The following PIK3R1 variants were observed in gnomAD, a reference collection of about 807,000 sequenced individuals.
PIK3R1 encodes the protein phosphatidylinositol 3-kinase regulatory subunit alpha.
In PIK3R1, 29 loss-of-function variants were observed where a neutral mutation model predicts 98.0. The ratio of observed to expected loss-of-function variants is 0.30; its 90% CI spans 0.22 to 0.40. The LOEUF (loss-of-function observed/expected upper bound fraction) is 0.40. PIK3R1 is among the 10% of genes least tolerant of loss of function. The pLI, the probability that PIK3R1 is intolerant of heterozygous loss-of-function variation, is 1.00. For synonymous variants in PIK3R1, 282 were observed against 311.8 expected, an observed-to-expected ratio of 0.90 and a Z score of 1.01; for missense variants, 596 against 872.7, an observed-to-expected ratio of 0.68 and a Z score of 3.99.
chr5:68,290,911 C>T (rs1013334408), intron 7 of PIK3R1: 21 of 897,184 alleles, frequency 2.3e-5, no homozygotes, highest in Non-Finnish European at 3.0e-5. Context: ...TGTAAAAGAT[C>T]CTTTTTGGAT....
Position 68,233,805 on chromosome 5 carries a change from G to A in PIK3R1, c.334+6796G>A, listed in dbSNP as rs144813574. Reference sequence around the variant, plus strand: ...CAGCTGCAAACCTTTGTTTAATTATGTATGCAGAACTTTCTCCCAATGGCT... The same window carrying A: ...CAGCTGCAAACCTTTGTTTAATTATATATGCAGAACTTTCTCCCAATGGCT... On this transcript the variant is annotated intron_variant, in intron 2 of 15. Coordinates refer to ENST00000521381, the MANE Select transcript of PIK3R1 (RefSeq NM_181523.3). Among the ~76,000 whole-genome samples, 400 of 152,290 alleles carry A rather than the reference G, an allele frequency of 2.6e-3. 1 individual carries two copies. Among genetic ancestry groups the A allele is most frequent in the African/African-American group, 9.3e-3 (386 of 41,568 alleles).
chr5:68,268,304 CGTT>C (rs1161949262), intron 2 of PIK3R1, among the ~76,000 whole-genome samples: 5 of 152,128 alleles, frequency 3.3e-5, no homozygotes, highest in Non-Finnish European at 5.9e-5. Context: ...AGGAAGTCAT[CGTT>C]GTTTTTTTTG....
intron 1 of PIK3R1, among the ~76,000 whole-genome samples, chr5:68,218,800 C>T (rs996553185): frequency 2.0e-5 from 3 of 151,990 alleles, no homozygotes; most frequent in Non-Finnish European, 4.4e-5. Flanking sequence ...TTAATGAAGC[C>T]CTGGAAGACT....
intron 5 of PIK3R1, among the ~76,000 whole-genome samples, chr5:68,279,973 T>G (rs1418245483): frequency 6.6e-6 from 1 of 152,210 alleles, no homozygotes; most frequent in Non-Finnish European, 1.5e-5. Context: ...TGTTAACCTA[T>G]TGGTCTTAAC....
rs925163955 is a variant in PIK3R1, at chr5:68,299,641, A to G, written c.*2040A>G. 5.1e-5 allele frequency: 12 copies of G among 233,118 alleles called. No individual in the cohort carries two copies. In the East Asian group the frequency reaches 7.2e-4, roughly 14 times the overall value. The allele number at this position is 233,118 out of a possible 1,614,324, so 14.4% of individuals were successfully genotyped here. The stretch of plus-strand genomic sequence containing the variant: ...TGCAATTTCAAATTACTCTTTCTCC[A>G]TATTAGATTTACCCACAGCTATATT... On this transcript the variant is annotated 3_prime_UTR_variant, in exon 16 of 16. Coordinates refer to ENST00000521381, the MANE Select transcript of PIK3R1 (RefSeq NM_181523.3).
At chr5:68,235,557 G>A (rs945981913) in intron 2 of PIK3R1, among the ~76,000 whole-genome samples, 2 of 151,948 alleles carry the variant, frequency 1.3e-5, no homozygotes, top group African/African-American at 2.4e-5. Context: ...CATCATTAAT[G>A]CATAATTTCA....
chr5:68,271,915 T>C (rs574255907), intron 2 of PIK3R1, among the ~76,000 whole-genome samples: 3 of 152,300 alleles, frequency 2.0e-5, no homozygotes, highest in South Asian at 4.1e-4. Context: ...TAACGTGAAT[T>C]TGTTCTATGT....
chr5:68,218,980 C>G (rs1377997400), intron 1 of PIK3R1, among the ~76,000 whole-genome samples: 1 of 152,146 alleles, frequency 6.6e-6, no homozygotes, highest in East Asian at 1.9e-4. Context: ...CCCTAATGCC[C>G]TAATGTGATT....
rs1204867276 is a variant in PIK3R1 at position 68,234,004 on chromosome 5, A to G, written c.334+6995A>G. 2.0e-5 allele frequency among the ~76,000 whole-genome samples: 3 copies of G among 152,238 alleles called. No individual in the cohort carries two copies. In the East Asian group the frequency reaches 5.8e-4, roughly 29 times the overall value. ...TCACAGTTTGATTCATTTTGAAGTT[A>G]TAACTGTGAATTTATTACAGCGTAT... is the stretch of plus-strand genomic sequence containing the variant. On this transcript the variant is annotated intron_variant, in intron 2 of 15. Coordinates refer to ENST00000521381, the MANE Select transcript of PIK3R1 (RefSeq NM_181523.3).
At position 68,293,209 on chromosome 5, in the gene PIK3R1, G is replaced by A. The variant is rs371094465; in HGVS notation, c.1118+10G>A. On this transcript the variant is annotated intron_variant, in intron 9 of 15. Transcript: ENST00000521381. ...ATACTCTTACACTAAGGTAAGCCAG[G>A]GAATATAGCTGAAATTAGGGTTTTG... is the stretch of plus-strand genomic sequence containing the variant. The A allele has an allele frequency of 6.2e-7, 1 of 1,608,166 alleles. No individual in the cohort carries two copies.
intron 1 of PIK3R1, 45 bp downstream of exon 1, chr5:68,215,994 G>C (rs1411567406): frequency 6.6e-6 from 1 of 152,522 alleles, no homozygotes; most frequent in Non-Finnish European, 1.5e-5. Context: ...TCGGGCGGGG[G>C]AGGCGGTGCA....
chr5:68,246,670 C>A (rs1016346084), intron 2 of PIK3R1, among the ~76,000 whole-genome samples: 14 of 152,306 alleles, frequency 9.2e-5, no homozygotes, highest in African/African-American at 3.1e-4. Flanking sequence ...GTCGCCCAGG[C>A]TGGAGTGCAG....
intron 7 of PIK3R1, among the ~76,000 whole-genome samples, chr5:68,282,088 T>C (rs541201726): frequency 6.6e-6 from 1 of 152,102 alleles, no homozygotes; most frequent in Non-Finnish European, 1.5e-5. Context: ...AGGTATCCGG[T>C]ATAGTAGATA....
At chr5:68,289,601 G>A (rs540286910) in intron 7 of PIK3R1, among the ~76,000 whole-genome samples, 1 of 151,676 alleles carries the variant, frequency 6.6e-6, no homozygotes, top group East Asian at 1.9e-4. Flanking sequence ...TGTAAAGAGA[G>A]ATTGGTTCAC....
intron 2 of PIK3R1, among the ~76,000 whole-genome samples, chr5:68,272,252 CAAAAA>C (rs36123886): frequency 4.3e-5 from 2 of 46,884 alleles, no homozygotes. Flanking sequence ...GACCCTGTCT[CAAAAA>C]AAAAAAAAAA....
chr5:68,216,617 A>AT (rs1743894464), intron 1 of PIK3R1, among the ~76,000 whole-genome samples: 3 of 152,076 alleles, frequency 2.0e-5, no homozygotes, highest in Admixed American at 1.3e-4. Flanking sequence ...TTGGAGGCAT[A>AT]TTTAGTGGGG....
At chr5:68,272,170 A>G (rs1173691594) in intron 2 of PIK3R1, among the ~76,000 whole-genome samples, 1 of 151,092 alleles carries the variant, frequency 6.6e-6, no homozygotes, top group East Asian at 1.9e-4. Flanking sequence ...GGAGGATCAC[A>G]TGAACTCAGG....
intron 7 of PIK3R1, among the ~76,000 whole-genome samples, chr5:68,286,234 T>C (rs911603994): frequency 6.6e-6 from 1 of 152,206 alleles, no homozygotes; most frequent in Non-Finnish European, 1.5e-5. Context: ...ACATATTGTT[T>C]TAAAGAATCC....
At chr5:68,269,442 C>A (rs1353097754) in intron 2 of PIK3R1, among the ~76,000 whole-genome samples, 2 of 152,056 alleles carry the variant, frequency 1.3e-5, no homozygotes, top group Non-Finnish European at 2.9e-5. Context: ...TGCTCCATAC[C>A]CCACCCTATA....
Sources: allele counts gnomAD v4.1 joint callset (sites outside exome capture counted in the v4.1 genomes callset), GRCh38; gene constraint gnomAD v4.1.1; transcripts MANE v1.5; gene names NCBI Gene and HGNC (gene_info 2026-07-23, HGNC 2026-07-21).